DOCK3: variants seen among roughly 807,000 people sequenced by gnomAD.
DOCK3 encodes the protein dedicator of cytokinesis 3.
Under a neutral mutation model 265.6 loss-of-function variants are expected in DOCK3, and 60 were observed. That is an observed-to-expected ratio of 0.23 (90% CI 0.18 to 0.28). The LOEUF is 0.28. DOCK3 is among the 10% of genes least tolerant of loss of function. DOCK3 has a pLI of 1.00. For synonymous variants in DOCK3, 881 were observed against 938.0 expected, an observed-to-expected ratio of 0.94 and a Z score of 1.11; for missense variants, 1,981 against 2,594.3, an observed-to-expected ratio of 0.76 and a Z score of 5.14.
chr3:50,940,076 A>AACACACATACACAC (rs1421955991), intron 5 of DOCK3, among the ~76,000 whole-genome samples: 5 of 149,498 alleles, frequency 3.3e-5, no homozygotes, highest in South Asian at 2.1e-4. Context: ...TACACACACA[A>AACACACATACACAC]ACACACACAC....
At chr3:51,249,073 C>T (rs1478563557) in intron 22 of DOCK3, among the ~76,000 whole-genome samples, 39 of 136,412 alleles carry the variant, frequency 2.9e-4, no homozygotes, top group East Asian at 1.6e-3. Flanking sequence ...CGTCTCCGCC[C>T]GGCAGCCACC....
In DOCK3 at chr3:50,683,379, C is replaced by T. The variant is rs748275272; in HGVS notation, c.37+8079C>T. ...TTACTATATTTTCTTTGGACCTTTA[C>T]GCAATTGATAAGCCTGTCTTCTATG... On this transcript the variant is annotated intron_variant, in intron 1 of 52. Transcript: ENST00000266037. Among the ~76,000 whole-genome samples, 8 of 152,126 alleles carry T rather than the reference C, an allele frequency of 5.3e-5. No homozygotes were observed. In the South Asian group the frequency reaches 8.3e-4, roughly 16 times the overall value.
chr3:50,872,203 T>G (rs1215382178), intron 3 of DOCK3, among the ~76,000 whole-genome samples: 2 of 152,232 alleles, frequency 1.3e-5, no homozygotes, highest in Admixed American at 6.5e-5. Flanking sequence ...CTTCCAGATA[T>G]TCAGAGGGAC....
intron 2 of DOCK3, among the ~76,000 whole-genome samples, chr3:50,804,632 G>A (rs558661507): frequency 5.3e-5 from 8 of 152,282 alleles, no homozygotes; most frequent in Admixed American, 6.5e-5. Context: ...CCAGGCACTC[G>A]GCAGGCTGAA....
intron 9 of DOCK3, among the ~76,000 whole-genome samples, chr3:51,140,332 C>G (rs2084992166): frequency 6.6e-6 from 1 of 152,148 alleles, no homozygotes; most frequent in Non-Finnish European, 1.5e-5. Flanking sequence ...GTAGACGTAT[C>G]ATAAAAATGG....
At chr3:50,888,516 A>C (rs1321067442) in intron 3 of DOCK3, among the ~76,000 whole-genome samples, 1 of 152,208 alleles carries the variant, frequency 6.6e-6, no homozygotes, top group African/African-American at 2.4e-5. Flanking sequence ...ACTACTTTAA[A>C]GTTCATATGG....
chr3:51,151,115 A>C (rs958035358), intron 10 of DOCK3, among the ~76,000 whole-genome samples: 11 of 150,712 alleles, frequency 7.3e-5, no homozygotes, highest in Admixed American at 2.6e-4. Context: ...GCCTTATCAG[A>C]GACTAGGATC....
chr3:51,196,084 C>A (rs969868767), intron 12 of DOCK3, among the ~76,000 whole-genome samples: 2 of 144,866 alleles, frequency 1.4e-5, no homozygotes, highest in African/African-American at 2.6e-5. Context: ...TTCAGGCACA[C>A]TTCACCACGC....
At chr3:51,178,395 G>A (rs1454107364) in intron 12 of DOCK3, among the ~76,000 whole-genome samples, 1 of 152,188 alleles carries the variant, frequency 6.6e-6, no homozygotes, top group Non-Finnish European at 1.5e-5. Flanking sequence ...AACAGGACCA[G>A]CCCCTGATTT....
At chr3:50,994,998 A>G (rs2078229071) in intron 5 of DOCK3, among the ~76,000 whole-genome samples, 1 of 152,232 alleles carries the variant, frequency 6.6e-6, no homozygotes, top group Admixed American at 6.5e-5. Flanking sequence ...TATGCCAAGT[A>G]TGTCATGAAA....
chr3:50,778,796 T>A (rs1319436468), intron 2 of DOCK3, 38 bp downstream of exon 2: 2 of 1,426,516 alleles, frequency 1.4e-6, no homozygotes, highest in East Asian at 4.9e-5. Flanking sequence ...ATTGTGATCA[T>A]TTTTGGCAGT....
chr3:51,338,924 C>A lies in DOCK3; in HGVS notation c.3673-11C>A. On this transcript the variant is annotated splice_polypyrimidine_tract_variant and intron_variant, in intron 36 of 52. Coordinates refer to ENST00000266037, the MANE Select transcript of DOCK3 (RefSeq NM_004947.5). The stretch of plus-strand genomic sequence containing the variant: ...AGGTAGTTGACAGGTGTTTCCTTCT[C>A]TTTATTGTAGAATTTTTACAAATCT... 1 of 1,590,108 alleles carries A rather than the reference C, an allele frequency of 6.3e-7. No homozygotes were observed. The highest frequency in any genetic ancestry group is 1.1e-5 in the South Asian group (1 of 87,486).
chr3:51,336,737 A>G (rs1025578940), intron 35 of DOCK3: 1 of 388,004 alleles, frequency 2.6e-6, no homozygotes, highest in Non-Finnish European at 5.2e-6. Flanking sequence ...AGAAGTGTGT[A>G]GGATGCCCCT....
chr3:50,939,137 A>G (rs2051556000), intron 5 of DOCK3, among the ~76,000 whole-genome samples: 1 of 152,100 alleles, frequency 6.6e-6, no homozygotes, highest in Non-Finnish European at 1.5e-5. Flanking sequence ...CAAAAAGAAA[A>G]TACTGTAAAC....
At chr3:51,225,799 G>T in intron 15 of DOCK3, 26 bp downstream of exon 15, 1 of 1,601,492 alleles carries the variant, frequency 6.2e-7, no homozygotes, top group South Asian at 1.1e-5. Context: ...CAGTCATTTG[G>T]GTTGGAGGAT....
chr3:51,313,958 T>C (rs554380115), intron 31 of DOCK3, among the ~76,000 whole-genome samples: 3 of 152,286 alleles, frequency 2.0e-5, no homozygotes, highest in African/African-American at 4.8e-5. Context: ...AACATTTGCT[T>C]CTTAGAATTT....
rs572738320 is a variant in DOCK3, at chr3:50,909,541, A to G, written c.218+19460A>G. Among the ~76,000 whole-genome samples the G allele has an allele frequency of 4.0e-5, 6 of 150,246 alleles. No individual in the cohort carries two copies. In the East Asian group the frequency reaches 1.2e-3, roughly 29 times the overall value. The stretch of plus-strand genomic sequence containing the variant: ...TAAGAATGTTGAATATTGGCTTCCA[A>G]TCTCTTCTGGCTTGTAGGGTTTCCA... On this transcript the variant is annotated intron_variant, in intron 4 of 52. Coordinates refer to ENST00000266037, the MANE Select transcript of DOCK3 (RefSeq NM_004947.5).
chr3:51,269,397 A>G (rs1370387236), intron 23 of DOCK3, among the ~76,000 whole-genome samples: 5 of 152,168 alleles, frequency 3.3e-5, no homozygotes, highest in South Asian at 2.1e-4. Flanking sequence ...TTTGTCTTTT[A>G]TATCTAAGCT....
Position 50,724,878 on chromosome 3 carries a change from A to C in DOCK3, c.37+49578A>C, listed in dbSNP as rs2037716459. Reference sequence around the variant, plus strand: ...CATGGTGGCACACACTTGTAATCCTAGCCACTCGGGAGGCTGAGGCAGGAG... The same window carrying C: ...CATGGTGGCACACACTTGTAATCCTCGCCACTCGGGAGGCTGAGGCAGGAG... On this transcript the variant is annotated intron_variant, in intron 1 of 52. Transcript: ENST00000266037. 2.0e-5 allele frequency among the ~76,000 whole-genome samples: 3 copies of C among 152,114 alleles called. No individual in the cohort carries two copies. In the South Asian group the frequency reaches 6.2e-4, roughly 31 times the overall value.
Sources: allele counts gnomAD v4.1 joint callset (sites outside exome capture counted in the v4.1 genomes callset), GRCh38; gene constraint gnomAD v4.1.1; transcripts MANE v1.5; gene names NCBI Gene and HGNC (gene_info 2026-07-23, HGNC 2026-07-21).